Variants in NEIL3 observed in about 807,000 individuals in gnomAD.
NEIL3 encodes the protein endonuclease 8-like 3.
A neutral mutation model predicts 57.5 loss-of-function variants in NEIL3; 48 were observed. The observed-to-expected ratio is 0.83, with a 90% confidence interval of 0.66 to 1.06. NEIL3 has a LOEUF of 1.06. Ranked by LOEUF, NEIL3 falls within the 50% of genes least tolerant of loss-of-function variation. The pLI is 0.00. For synonymous variants in NEIL3, 261 were observed against 253.2 expected (o/e 1.03, Z -0.29); for missense variants, 717 against 739.1 (o/e 0.97, Z 0.35).
intron 2 of NEIL3, among the ~76,000 whole-genome samples, chr4:177,323,417 G>T (rs993601626): frequency 6.6e-6 from 1 of 152,128 alleles, no homozygotes. Flanking sequence ...GTGAATAATT[G>T]TCACAAAGAG....
chr4:177,351,724 A>AT (rs918452759), intron 7 of NEIL3, among the ~76,000 whole-genome samples, 175 bp downstream of exon 7: 5 of 152,050 alleles, frequency 3.3e-5, no homozygotes, highest in Admixed American at 1.3e-4. Context: ...TCTGTTGAGT[A>AT]TTTTTTTTGA....
chr4:177,316,216 A>G (rs113643751), intron 1 of NEIL3, among the ~76,000 whole-genome samples: 24 of 152,332 alleles, frequency 1.6e-4, no homozygotes, highest in Non-Finnish European at 1.6e-4. Flanking sequence ...CTGAAACTAC[A>G]GAAAGTGAAA....
intron 5 of NEIL3, 126 bp from the exon 6 acceptor site, chr4:177,341,350 A>G (rs1735086906): frequency 3.2e-6 from 2 of 633,990 alleles, no homozygotes; most frequent in African/African-American, 3.7e-5. Flanking sequence ...TTATATTGAC[A>G]TATGTACAAA....
intron 7 of NEIL3, among the ~76,000 whole-genome samples, chr4:177,352,781 G>A (rs1041237798): frequency 6.6e-6 from 1 of 151,020 alleles, no homozygotes; most frequent in Non-Finnish European, 1.5e-5. Context: ...AGTGAGCCGA[G>A]ATCGCGCCAC....
intron 2 of NEIL3, among the ~76,000 whole-genome samples, chr4:177,330,658 A>C (rs1313086222): frequency 1.1e-4 from 16 of 152,206 alleles, no homozygotes; most frequent in Admixed American, 1.0e-3. Flanking sequence ...GTCCAATATA[A>C]ACATGGGAGA....
chr4:177,352,675 A>G (rs1329023153), intron 7 of NEIL3, among the ~76,000 whole-genome samples: 1 of 152,018 alleles, frequency 6.6e-6, no homozygotes, highest in Non-Finnish European at 1.5e-5. Flanking sequence ...CTAAAAATAC[A>G]AAAAATTAGC....
At chr4:177,315,546 A>G (rs1734558636) in intron 1 of NEIL3, among the ~76,000 whole-genome samples, 1 of 152,232 alleles carries the variant, frequency 6.6e-6, no homozygotes, top group Non-Finnish European at 1.5e-5. Context: ...TAACAGGCTT[A>G]TGGAAATTAG....
chr4:177,362,233 C>T, intron 9 of NEIL3, 56 bp from the exon 10 acceptor site: 1 of 1,401,858 alleles, frequency 7.1e-7, no homozygotes, highest in African/African-American at 1.4e-5. Context: ...TAGGGTTAGC[C>T]TGTACATCAT....
Position 177,325,859 on chromosome 4 carries a change from T to A in NEIL3, c.278+3279T>A, listed in dbSNP as rs1035876396. 3.6e-4 allele frequency among the ~76,000 whole-genome samples: 55 copies of A among 152,138 alleles called. 1 individual carries two copies. Among genetic ancestry groups the A allele is most frequent in the African/African-American group, 1.3e-3 (54 of 41,460 alleles). ...CCTGTTTGTGTATTTTATAGGGTGA[T>A]GTGTCTATTAATGTTTTCCTTTTTT... On this transcript the variant is annotated intron_variant, in intron 2 of 9. Coordinates refer to ENST00000264596, the MANE Select transcript of NEIL3 (RefSeq NM_018248.3).
chr4:177,354,261 T>TA (rs1735428407), intron 8 of NEIL3: 1 of 152,734 alleles, frequency 6.5e-6, no homozygotes, highest in African/African-American at 2.4e-5. Context: ...GGTTTTTTTT[T>TA]TTTCTGACAA....
intron 1 of NEIL3, among the ~76,000 whole-genome samples, chr4:177,314,426 C>T (rs1361579966): frequency 6.6e-6 from 1 of 152,166 alleles, no homozygotes; most frequent in African/African-American, 2.4e-5. Context: ...CTTATTGTTG[C>T]ATCTTAGCTT....
intron 7 of NEIL3, 60 bp downstream of exon 7, chr4:177,351,609 T>A: frequency 7.5e-7 from 1 of 1,327,554 alleles, no homozygotes; most frequent in Non-Finnish European, 1.1e-6. Flanking sequence ...TTATACAAAG[T>A]CAGGAATATA....
intron 2 of NEIL3, among the ~76,000 whole-genome samples, chr4:177,333,069 CT>C (rs550423847): frequency 1.6e-3 from 237 of 147,996 alleles, no homozygotes; most frequent in African/African-American, 4.2e-3. Context: ...TTTTTACATT[CT>C]TTTTTTTTTA....
intron 1 of NEIL3, among the ~76,000 whole-genome samples, chr4:177,317,709 C>G (rs749855116): frequency 7.1e-6 from 1 of 140,450 alleles, no homozygotes; most frequent in Non-Finnish European, 1.5e-5. Context: ...TCAAGCGATT[C>G]TCCTGCCTCA....
At chr4:177,310,490 T>G (rs570366872) in intron 1 of NEIL3, among the ~76,000 whole-genome samples, 1 of 152,376 alleles carries the variant, frequency 6.6e-6, no homozygotes, top group Non-Finnish European at 1.5e-5. Flanking sequence ...TCGTCCCATT[T>G]TAAGCTTTTA....
At chr4:177,363,661 T>C (rs1454517789), downstream of NEIL3, among the ~76,000 whole-genome samples, 1 of 152,208 alleles carries the variant, frequency 6.6e-6, no homozygotes, top group African/African-American at 2.4e-5. Context: ...AATGTGCATG[T>C]TAATTACACG....
chr4:177,367,543 C>T (rs373475119), downstream of NEIL3, among the ~76,000 whole-genome samples: 14 of 152,200 alleles, frequency 9.2e-5, 1 homozygote, highest in East Asian at 1.9e-3. Flanking sequence ...TGGAGGGAAG[C>T]GGTTGCTATT....
intron 6 of NEIL3, 71 bp downstream of exon 6, chr4:177,341,713 A>G: frequency 8.1e-7 from 1 of 1,239,394 alleles, no homozygotes. Flanking sequence ...ATCTGAGAAT[A>G]TAACTGAATA....
the NEIL3 span, among the ~76,000 whole-genome samples, chr4:177,369,291 G>T: frequency 1.3e-5 from 2 of 152,218 alleles, no homozygotes; most frequent in East Asian, 3.9e-4. Flanking sequence ...TAGGCAGCAG[G>T]CATAGCATAT....
Sources: gnomAD v4.1 joint callset for allele counts (sites outside exome capture counted in the v4.1 genomes callset) on GRCh38, gnomAD v4.1.1 for gene constraint, MANE v1.5 for transcripts, NCBI Gene and HGNC (gene_info 2026-07-23, HGNC 2026-07-21) for gene names.